The following SLC4A10 variants were observed in gnomAD, a reference collection of about 807,000 sequenced individuals.
SLC4A10 encodes solute carrier family 4 member 10.
Under a neutral mutation model 137.7 loss-of-function variants are expected in SLC4A10, and 42 were observed. The observed-to-expected ratio is 0.30, with a 90% CI of 0.24 to 0.39. SLC4A10 has a LOEUF of 0.39. SLC4A10 is among the 10% of genes least tolerant of loss of function. The probability of loss-of-function intolerance (pLI) is 1.00; values close to 1 mark genes in which losing one functional copy is unlikely to be tolerated. For synonymous variants in SLC4A10, 474 were observed against 464.1 expected (o/e 1.02, Z -0.27); for missense variants, 925 against 1,355.0 (o/e 0.68, Z 4.98).
At chr2:161,652,967 C>T (rs1237377511) in intron 1 of SLC4A10, among the ~76,000 whole-genome samples, 2 of 152,062 alleles carry the variant, frequency 1.3e-5, no homozygotes, top group African/African-American at 4.8e-5. Context: ...CCATCATCTA[C>T]ATTAGGTATT....
At chr2:161,820,186 A>G (rs1482174716) in intron 3 of SLC4A10, among the ~76,000 whole-genome samples, 2 of 152,248 alleles carry the variant, frequency 1.3e-5, no homozygotes, top group Non-Finnish European at 1.5e-5. Context: ...CACACTCTTT[A>G]GGAGAAATGA....
intron 1 of SLC4A10, among the ~76,000 whole-genome samples, chr2:161,730,502 C>G (rs890379446): frequency 6.6e-6 from 1 of 152,112 alleles, no homozygotes; most frequent in South Asian, 2.1e-4. Flanking sequence ...TCATTATCTT[C>G]TTTGTGATAA....
intron 23 of SLC4A10, 150 bp from the exon 24 acceptor site, chr2:161,974,099 T>C: frequency 2.0e-6 from 1 of 491,136 alleles, no homozygotes; most frequent in Non-Finnish European, 3.5e-6. Flanking sequence ...GATACTTTAT[T>C]GAAAGGACCT....
At chr2:161,911,735 C>T (rs1014269968) in intron 15 of SLC4A10, among the ~76,000 whole-genome samples, 3 of 152,044 alleles carry the variant, frequency 2.0e-5, no homozygotes, top group African/African-American at 7.2e-5. Context: ...GTGCTTGGCA[C>T]ATATTGTATG....
chr2:161,945,533 A>C (rs1244385672), intron 16 of SLC4A10, among the ~76,000 whole-genome samples: 1 of 151,472 alleles, frequency 6.6e-6, no homozygotes, highest in Non-Finnish European at 1.5e-5. Flanking sequence ...GACTCAAAAA[A>C]CGAGAGCAGG....
chr2:161,655,906 C>T (rs1034419649), intron 1 of SLC4A10, among the ~76,000 whole-genome samples: 14 of 149,886 alleles, frequency 9.3e-5, no homozygotes, highest in Admixed American at 4.6e-4. Flanking sequence ...CTCTGTCTCC[C>T]TGGTTCAAGC....
In SLC4A10 at chr2:161,768,469, G is replaced by A. The variant is rs2051169378; in HGVS notation, c.49-2504G>A. ...CTGTAAGAAAGACTACAAATTTTTG[G>A]CAATGTAGCAAGATCCTTTCTCTAG... On this transcript the variant is annotated intron_variant, in intron 1 of 26. Coordinates refer to ENST00000446997, the MANE Select transcript of SLC4A10 (RefSeq NM_001178015.2). 3.9e-5 allele frequency among the ~76,000 whole-genome samples: 6 copies of A among 151,934 alleles called. No individual in the cohort carries two copies. The South Asian group carries it at 1.0e-3, about 26-fold the overall frequency.
chr2:161,698,932 TG>T (rs1190985602), intron 1 of SLC4A10, among the ~76,000 whole-genome samples: 3 of 152,176 alleles, frequency 2.0e-5, no homozygotes, highest in African/African-American at 4.8e-5. Context: ...TGAATCTGTC[TG>T]GTCCTGTACT....
At chr2:161,853,050 T>A (rs61425361) in intron 4 of SLC4A10, among the ~76,000 whole-genome samples, 2,138 of 152,328 alleles carry the variant, frequency 0.014, 53 homozygotes, top group African/African-American at 0.049. Flanking sequence ...ATAATGTGAC[T>A]ATGGCCTTAT....
At chr2:161,860,086 C>A (rs150435791) in intron 5 of SLC4A10, among the ~76,000 whole-genome samples, 103 of 152,248 alleles carry the variant, frequency 6.8e-4, no homozygotes, top group African/African-American at 2.4e-3. Flanking sequence ...AATTCAGATT[C>A]CTTTTGGTAC....
intron 1 of SLC4A10, among the ~76,000 whole-genome samples, chr2:161,766,269 C>T (rs1480443839): frequency 6.6e-6 from 1 of 152,050 alleles, no homozygotes; most frequent in Non-Finnish European, 1.5e-5. Flanking sequence ...ACTGCTTCTG[C>T]TGTAAAATTT....
chr2:161,790,726 A>G (rs577925597), intron 2 of SLC4A10, among the ~76,000 whole-genome samples: 6 of 152,274 alleles, frequency 3.9e-5, no homozygotes, highest in South Asian at 2.1e-4. Context: ...CTGTTTTTCA[A>G]TGGGTATCCT....
At position 161,983,359 on chromosome 2, in the gene SLC4A10, A is replaced by C. The variant is rs542607669; in HGVS notation, c.*207A>C. On this transcript the variant is annotated 3_prime_UTR_variant, in exon 27 of 27. Coordinates refer to ENST00000446997, the MANE Select transcript of SLC4A10 (RefSeq NM_001178015.2). ...TCCCTCAACCCAAATCCACCTTCAT[A>C]CTGTAAGTAGTGCAATACTTGTTTC... is the stretch of plus-strand genomic sequence containing the variant. The C allele has an allele frequency of 1.2e-4, 104 of 885,826 alleles. No individual in the cohort carries two copies. The highest frequency in any genetic ancestry group is 1.6e-4 in the Non-Finnish European group (94 of 582,126). 54.9% of individuals were successfully genotyped at this position (885,826 alleles called of 1,614,324 possible). A position where few individuals can be genotyped will look rare whatever the true frequency, so the allele number is the denominator to read the frequency against.
intron 23 of SLC4A10, among the ~76,000 whole-genome samples, chr2:161,970,868 A>G (rs1400196639): frequency 6.6e-6 from 1 of 152,228 alleles, no homozygotes; most frequent in Non-Finnish European, 1.5e-5. Flanking sequence ...ATTTGACTTC[A>G]ATTTATCTCT....
At chr2:161,894,199 A>G (rs1335940359) in intron 10 of SLC4A10, among the ~76,000 whole-genome samples, 3 of 152,108 alleles carry the variant, frequency 2.0e-5, no homozygotes, top group East Asian at 1.9e-4. Context: ...AGGAATGACT[A>G]TATATCCAGA....
intron 1 of SLC4A10, among the ~76,000 whole-genome samples, chr2:161,684,548 A>G (rs187760803): frequency 5.3e-5 from 8 of 152,264 alleles, no homozygotes; most frequent in Admixed American, 1.3e-4. Context: ...TTGTCTGGGG[A>G]TAGGGTATTA....
chr2:161,777,057 G>A (rs2052434597), intron 2 of SLC4A10, among the ~76,000 whole-genome samples: 1 of 151,234 alleles, frequency 6.6e-6, no homozygotes, highest in Non-Finnish European at 1.5e-5. Context: ...TAATAGGCAA[G>A]TGACTTGAAT....
intron 11 of SLC4A10, among the ~76,000 whole-genome samples, chr2:161,898,436 G>C (rs1324771160): frequency 6.6e-6 from 1 of 152,082 alleles, no homozygotes; most frequent in Non-Finnish European, 1.5e-5. Context: ...TTGAATAATA[G>C]ATAGCATGAG....
At chr2:161,805,806 A>C (rs983404812) in intron 3 of SLC4A10, among the ~76,000 whole-genome samples, 1 of 152,102 alleles carries the variant, frequency 6.6e-6, no homozygotes, top group African/African-American at 2.4e-5. Context: ...CGGACACACT[A>C]TTCAAGCTGT....
Sources: allele counts gnomAD v4.1 joint callset (sites outside exome capture counted in the v4.1 genomes callset), GRCh38; gene constraint gnomAD v4.1.1; transcripts MANE v1.5; gene names NCBI Gene and HGNC (gene_info 2026-07-23, HGNC 2026-07-21).